SEMA3A: variants seen among roughly 807,000 people sequenced by gnomAD.
SEMA3A encodes semaphorin-3A.
Under a neutral mutation model 97.9 loss-of-function variants are expected in SEMA3A, and 29 were observed. The ratio of observed to expected loss-of-function variants is 0.30; its 90% confidence interval spans 0.22 to 0.40. SEMA3A has a LOEUF of 0.40. Among genes scored for constraint, SEMA3A ranks in the 10% least tolerant of loss-of-function variants. SEMA3A has a pLI of 1.00. For synonymous variants in SEMA3A, 321 were observed against 323.7 expected, an observed-to-expected ratio of 0.99 and a Z score of 0.09; for missense variants, 763 against 951.3, an observed-to-expected ratio of 0.80 and a Z score of 2.60.
intron 2 of SEMA3A, among the ~76,000 whole-genome samples, chr7:84,342,435 A>T (rs1187457989): frequency 6.6e-6 from 1 of 152,212 alleles, no homozygotes; most frequent in Non-Finnish European, 1.5e-5. Context: ...AAGAAACTCT[A>T]TGTTCAAATG....
At chr7:84,096,269 T>G (rs1007935951) in intron 4 of SEMA3A, among the ~76,000 whole-genome samples, 2 of 152,212 alleles carry the variant, frequency 1.3e-5, no homozygotes, top group African/African-American at 2.4e-5. Context: ...TTTTAACTAA[T>G]TCGAGTTTAA....
intron 3 of SEMA3A, among the ~76,000 whole-genome samples, chr7:84,236,522 C>T (rs963799791): frequency 2.6e-5 from 4 of 152,218 alleles, no homozygotes; most frequent in Non-Finnish European, 4.4e-5. Context: ...CAGGCCCTTC[C>T]TCCAAGATGT....
chr7:84,446,876 AG>A (rs1805426788), intron 1 of SEMA3A, among the ~76,000 whole-genome samples: 1 of 152,066 alleles, frequency 6.6e-6, no homozygotes, highest in African/African-American at 2.4e-5. Flanking sequence ...GGTCAGGAAC[AG>A]GTGGGAGCCC....
chr7:84,194,650 A>C lies in SEMA3A; in HGVS notation c.-64T>G. On this transcript the variant is annotated 5_prime_UTR_variant, in exon 1 of 17. Coordinates refer to ENST00000265362, the MANE Select transcript of SEMA3A (RefSeq NM_006080.3). ...CCTTCCTGTATTGTGCGGCCAGAGA[A>C]GTTCAAACAATCTGGAAACTGGAGG... 1 of 1,022,060 alleles carries C rather than the reference A, an allele frequency of 9.8e-7. No individual in the cohort carries two copies. The highest frequency in any genetic ancestry group is 1.5e-6 in the Non-Finnish European group (1 of 657,244). 63.3% of individuals were successfully genotyped at this position (1,022,060 alleles called of 1,614,324 possible).
In SEMA3A at chr7:84,456,076, C is replaced by A. The variant is rs529064073; in HGVS notation, c.-246+36384G>T. ...GGCCTTAAAGTAGATTTAACACTTGCAAATGAGATGACTAAAAGTAAGGAT... is the reference window on the plus strand; with the variant it reads ...GGCCTTAAAGTAGATTTAACACTTGAAAATGAGATGACTAAAAGTAAGGAT... On this transcript the variant is annotated intron_variant, in intron 1 of 3. Transcript: ENST00000424555. Among the ~76,000 whole-genome samples the A allele has an allele frequency of 5.9e-5, 9 of 151,826 alleles. No individual in the cohort carries two copies. In the South Asian group the frequency reaches 1.9e-3, roughly 31 times the overall value.
In SEMA3A at chr7:84,446,037, A is replaced by G. The variant is rs140734408; in HGVS notation, c.-246+46423T>C. ...GTGTGGGAATATTATTACTAATTCT[A>G]TAGAAATAAAATTGATGAGAAGAGG... On this transcript the variant is annotated intron_variant, in intron 1 of 3. Transcript: ENST00000424555. Among the ~76,000 whole-genome samples the G allele has an allele frequency of 4.2e-3, 637 of 152,280 alleles. 5 individuals carry two copies. The highest frequency in any genetic ancestry group is 0.014 in the African/African-American group (592 of 41,572).
intron 1 of SEMA3A, among the ~76,000 whole-genome samples, chr7:84,413,129 T>C (rs1055212422): frequency 9.2e-5 from 14 of 152,198 alleles, no homozygotes; most frequent in Non-Finnish European, 2.1e-4. Context: ...TCTTTCTTCA[T>C]CTACTGACTT....
At chr7:84,163,134 A>G (rs547122555) in intron 1 of SEMA3A, among the ~76,000 whole-genome samples, 1 of 152,304 alleles carries the variant, frequency 6.6e-6, no homozygotes, top group East Asian at 1.9e-4. Flanking sequence ...ATTTGTCAAA[A>G]TCCACATAAT....
At chr7:84,434,425 A>G (rs1229459112) in intron 1 of SEMA3A, among the ~76,000 whole-genome samples, 1 of 152,162 alleles carries the variant, frequency 6.6e-6, no homozygotes, top group Non-Finnish European at 1.5e-5. Context: ...GCAAAATTCT[A>G]CTAGACATAT....
chr7:84,213,070 A>T (rs1798668423), intron 3 of SEMA3A, among the ~76,000 whole-genome samples: 1 of 151,938 alleles, frequency 6.6e-6, no homozygotes, highest in African/African-American at 2.4e-5. Context: ...TTTAGGGTTC[A>T]GGGTTCAAGC....
At chr7:83,998,275 T>C (rs1638728133) in intron 12 of SEMA3A, among the ~76,000 whole-genome samples, 2 of 152,200 alleles carry the variant, frequency 1.3e-5, no homozygotes, top group Non-Finnish European at 2.9e-5. Flanking sequence ...AGTCTGTTGC[T>C]CCTAGGATAC....
At chr7:84,385,763 A>G (rs1013033621) in intron 1 of SEMA3A, among the ~76,000 whole-genome samples, 2 of 152,196 alleles carry the variant, frequency 1.3e-5, no homozygotes, top group Non-Finnish European at 2.9e-5. Context: ...TTGGAAATAC[A>G]TTACCAGACA....
intron 4 of SEMA3A, among the ~76,000 whole-genome samples, chr7:84,095,260 T>C (rs1390850029): frequency 6.9e-6 from 1 of 145,610 alleles, no homozygotes. Context: ...TATATTATTA[T>C]ATACCATTAT....
chr7:84,282,941 A>G (rs183926801), intron 3 of SEMA3A, among the ~76,000 whole-genome samples: 9 of 152,076 alleles, frequency 5.9e-5, no homozygotes, highest in Admixed American at 3.3e-4. Context: ...TTGAACCTGG[A>G]AGGTGGAGGT....
At chr7:84,432,844 G>T (rs962712306) in intron 1 of SEMA3A, among the ~76,000 whole-genome samples, 1 of 149,656 alleles carries the variant, frequency 6.7e-6, no homozygotes, top group African/African-American at 2.5e-5. Context: ...ATGCTGTGAT[G>T]AACATACAAA....
chr7:84,118,353 T>C (rs963797089), intron 3 of SEMA3A, among the ~76,000 whole-genome samples: 4 of 152,162 alleles, frequency 2.6e-5, no homozygotes, highest in Non-Finnish European at 5.9e-5. Context: ...TGTGGCAGAA[T>C]TGTATTGTGC....
chr7:84,311,238 T>G (rs1428261178), intron 2 of SEMA3A, among the ~76,000 whole-genome samples: 4 of 151,962 alleles, frequency 2.6e-5, no homozygotes, highest in Non-Finnish European at 5.9e-5. Flanking sequence ...GGGACTTGTT[T>G]TTTAGTTGCT....
At chr7:84,367,353 C>G (rs1802872411) in intron 2 of SEMA3A, among the ~76,000 whole-genome samples, 1 of 151,180 alleles carries the variant, frequency 6.6e-6, no homozygotes, top group African/African-American at 2.4e-5. Flanking sequence ...TAAAGTAGGC[C>G]AGTGGATCCT....
At chr7:84,429,515 G>GTTATATATATATATATATATATATAT (rs1804912966) in intron 1 of SEMA3A, among the ~76,000 whole-genome samples, 1 of 35,754 alleles carries the variant, frequency 2.8e-5, no homozygotes, top group East Asian at 1.3e-3. Context: ...TATAGAGTTT[G>GTTATATATATATATATATATATATAT]TTATATATAT....
Sources: gnomAD v4.1 joint callset for allele counts (sites outside exome capture counted in the v4.1 genomes callset) on GRCh38, gnomAD v4.1.1 for gene constraint, MANE v1.5 for transcripts, NCBI Gene and HGNC (gene_info 2026-07-23, HGNC 2026-07-21) for gene names.